SV2C: variants seen among roughly 807,000 people sequenced by gnomAD.
The protein encoded by SV2C is synaptic vesicle glycoprotein 2C.
A neutral mutation model predicts 79.7 loss-of-function variants in SV2C; 49 were observed. The observed-to-expected ratio is 0.61, with a 90% CI of 0.49 to 0.78. SV2C has a LOEUF of 0.78. Ranked by LOEUF, SV2C falls within the 30% of genes least tolerant of loss-of-function variation. The pLI is 0.00. For missense variants in SV2C, 833 were observed against 912.9 expected, an observed-to-expected ratio of 0.91 and a Z score of 1.13; for synonymous variants, 334 against 333.2, an observed-to-expected ratio of 1.00 and a Z score of -0.03.
chr5:75,976,482 G>C, the SV2C span, among the ~76,000 whole-genome samples: 1 of 151,884 alleles, frequency 6.6e-6, no homozygotes. Flanking sequence ...GATGTGCAGA[G>C]AGGATGCAGC....
chr5:76,172,321 C>T (rs1415618461), intron 2 of SV2C, among the ~76,000 whole-genome samples: 10 of 91,770 alleles, frequency 1.1e-4, no homozygotes, highest in South Asian at 7.7e-4. Flanking sequence ...GCCCAGCCAG[C>T]CGCCCTGTCC....
chr5:76,185,844 C>G (rs1743899282), intron 2 of SV2C, among the ~76,000 whole-genome samples: 1 of 152,190 alleles, frequency 6.6e-6, no homozygotes, highest in Non-Finnish European at 1.5e-5. Context: ...GCTCCTGTTA[C>G]TTATGCAAAT....
At chr5:76,340,859 C>T (rs968089312) in intron 12 of SV2C, among the ~76,000 whole-genome samples, 1 of 151,988 alleles carries the variant, frequency 6.6e-6, no homozygotes, top group African/African-American at 2.4e-5. Flanking sequence ...ATCCTCCTGC[C>T]TCAGCCTTCC....
chr5:76,189,892 C>T (rs2112318181), intron 2 of SV2C, among the ~76,000 whole-genome samples: 1 of 152,292 alleles, frequency 6.6e-6, no homozygotes, highest in East Asian at 1.9e-4. Flanking sequence ...CTTACATTCA[C>T]TTTCATAGAA....
the SV2C span, among the ~76,000 whole-genome samples, chr5:75,963,033 TA>T: frequency 2.0e-4 from 29 of 147,398 alleles, no homozygotes; most frequent in East Asian, 9.9e-4. Flanking sequence ...TGACTTACAA[TA>T]AAAAAAAAAT....
chr5:76,143,005 T>A (rs1020501714), intron 2 of SV2C, among the ~76,000 whole-genome samples: 4 of 150,248 alleles, frequency 2.7e-5, no homozygotes, highest in African/African-American at 9.7e-5. Flanking sequence ...CAAGCAATTC[T>A]CCTGCCTCAG....
At chr5:76,352,994 T>G in intron 12 of SV2C, 1 of 302,038 alleles carries the variant, frequency 3.3e-6, no homozygotes, top group Non-Finnish European at 6.7e-6. Context: ...CAGGCTAGAG[T>G]GCAATAGTGA....
At chr5:76,307,399 C>T (rs1197989141) in intron 12 of SV2C, among the ~76,000 whole-genome samples, 1 of 152,110 alleles carries the variant, frequency 6.6e-6, no homozygotes, top group African/African-American at 2.4e-5. Flanking sequence ...AGGGCTAAAA[C>T]AGAGGGGACT....
At chr5:76,307,963 T>C (rs1414286589) in intron 12 of SV2C, among the ~76,000 whole-genome samples, 29 of 152,268 alleles carry the variant, frequency 1.9e-4, no homozygotes, top group Admixed American at 1.9e-3. Context: ...ATTGAAGCCT[T>C]ATTATGGCTG....
chr5:76,020,053 T>C, the SV2C span, among the ~76,000 whole-genome samples: 2 of 152,150 alleles, frequency 1.3e-5, no homozygotes, highest in African/African-American at 4.8e-5. Context: ...GTGGGAATTA[T>C]ATTGTCAAAA....
intron 1 of SV2C, among the ~76,000 whole-genome samples, chr5:76,110,716 A>G (rs1286945640): frequency 6.6e-6 from 1 of 152,226 alleles, no homozygotes; most frequent in African/African-American, 2.4e-5. Context: ...GTTGTTCGCA[A>G]TTTGTCTCCT....
chr5:76,069,811 C>G, the SV2C span, among the ~76,000 whole-genome samples: 1 of 151,158 alleles, frequency 6.6e-6, no homozygotes, highest in African/African-American at 2.4e-5. Flanking sequence ...TGTCTCCAAC[C>G]CCCGTTTCTC....
chr5:76,194,997 C>T lies in SV2C; in HGVS notation c.659C>T (p.Ser220Phe). The change falls in exon 3 of 13, where the codon TCT becomes TTT. Residue 220 changes from serine to phenylalanine, a missense_variant. Transcript: ENST00000502798. Reference protein sequence around the residue: ...GLADKVGRKQSLLICMSVNGF... With the variant: ...GLADKVGRKQFLLICMSVNGF... ...GCAGACAAAGTGGGAAGGAAACAGT[C>T]TCTTCTGATTTGCATGTCTGTCAAC... 1.9e-6 allele frequency: 3 copies of T among 1,614,032 alleles called. No individual in the cohort carries two copies. In the South Asian group the frequency reaches 3.3e-5, roughly 18 times the overall value.
chr5:75,953,838 T>C, the SV2C span, among the ~76,000 whole-genome samples: 2 of 151,986 alleles, frequency 1.3e-5, no homozygotes, highest in Non-Finnish European at 1.5e-5. Flanking sequence ...ATGTACCTTT[T>C]CTTGGCTGCT....
intron 12 of SV2C, among the ~76,000 whole-genome samples, chr5:76,323,247 A>C (rs909921892): frequency 6.6e-6 from 1 of 152,252 alleles, no homozygotes; most frequent in Admixed American, 6.5e-5. Flanking sequence ...GATACTTCTC[A>C]AAAGAAGACA....
the SV2C span, chr5:76,075,462 G>C: frequency 6.3e-6 from 1 of 159,134 alleles, no homozygotes; most frequent in Non-Finnish European, 1.4e-5. Context: ...CATGTGAAAA[G>C]TGGTAGATCT....
chr5:76,007,849 G>A, the SV2C span, among the ~76,000 whole-genome samples: 11,810 of 152,130 alleles, frequency 0.078, 1,043 homozygotes, highest in African/African-American at 0.22. Context: ...CAATACTTCA[G>A]AGCATAACTA....
At chr5:75,848,758 A>G in the SV2C span, among the ~76,000 whole-genome samples, 2 of 152,178 alleles carry the variant, frequency 1.3e-5, no homozygotes, top group African/African-American at 2.4e-5. Flanking sequence ...TGGAACATAT[A>G]TCCTATATGG....
At chr5:76,115,133 G>A (rs1370972788) in intron 1 of SV2C, among the ~76,000 whole-genome samples, 1 of 152,142 alleles carries the variant, frequency 6.6e-6, no homozygotes, top group Non-Finnish European at 1.5e-5. Context: ...TTTACTCAAG[G>A]GATGTTGTAG....
Sources: allele counts gnomAD v4.1 joint callset (sites outside exome capture counted in the v4.1 genomes callset), GRCh38; gene constraint gnomAD v4.1.1; transcripts MANE v1.5; gene names NCBI Gene and HGNC (gene_info 2026-07-23, HGNC 2026-07-21).